Variants in ECE1 observed in about 807,000 individuals in gnomAD.
The protein encoded by ECE1 is endothelin-converting enzyme 1.
In ECE1, 35 loss-of-function variants were observed where a neutral mutation model predicts 98.6. The ratio of observed to expected loss-of-function variants is 0.35; its 90% confidence interval spans 0.27 to 0.47. The LOEUF is 0.47. ECE1 is among the 20% of genes least tolerant of loss of function. The pLI is 1.00. For missense variants in ECE1, 814 were observed against 1,025.3 expected (o/e 0.79, Z 2.81); for synonymous variants, 394 against 407.1 (o/e 0.97, Z 0.39).
chr1:21,326,075 G>C (rs11579895), intron 1 of ECE1, among the ~76,000 whole-genome samples: 1 of 152,170 alleles, frequency 6.6e-6, no homozygotes, highest in African/African-American at 2.4e-5. Flanking sequence ...GGGGACCAGG[G>C]GGCTGGGCCT....
intron 1 of ECE1, among the ~76,000 whole-genome samples, chr1:21,316,617 A>T (rs1436643804): frequency 6.6e-6 from 1 of 150,666 alleles, no homozygotes; most frequent in Admixed American, 6.6e-5. Context: ...CTTCTTAGAA[A>T]CTCTCCTGTG....
At chr1:21,245,744 T>C (rs954539331) in intron 9 of ECE1, among the ~76,000 whole-genome samples, 1 of 152,210 alleles carries the variant, frequency 6.6e-6, no homozygotes, top group Non-Finnish European at 1.5e-5. Context: ...CGGAGTACTA[T>C]GCAACCATGA....
At chr1:21,236,675 C>G in intron 12 of ECE1, 71 bp downstream of exon 12, 1 of 1,455,148 alleles carries the variant, frequency 6.9e-7, no homozygotes, top group African/African-American at 1.4e-5. Flanking sequence ...AAACCGGCCT[C>G]TCCTTCCCCC....
At chr1:21,286,650 G>A (rs1029195498) in intron 2 of ECE1, among the ~76,000 whole-genome samples, 2 of 152,144 alleles carry the variant, frequency 1.3e-5, no homozygotes, top group Admixed American at 1.3e-4. Context: ...AAAAAGAACA[G>A]GTTAGGCACG....
intron 5 of ECE1, among the ~76,000 whole-genome samples, chr1:21,259,909 A>C (rs1356987418): frequency 1.3e-5 from 2 of 152,124 alleles, no homozygotes; most frequent in Non-Finnish European, 2.9e-5. Context: ...CCACACACAC[A>C]AACATAACCC....
At chr1:21,330,591 T>C (rs1480806169) in intron 1 of ECE1, among the ~76,000 whole-genome samples, 1 of 152,164 alleles carries the variant, frequency 6.6e-6, no homozygotes, top group Non-Finnish European at 1.5e-5. Context: ...CCCACAGGCC[T>C]GGGAGCTCCT....
In ECE1 at chr1:21,225,525, G is replaced by A. The variant is rs1288795023; in HGVS notation, c.1850-85C>T. ...CTCCTCCCTGCTCCTGGTGAGAAGC[G>A]GTTCATCCGTCCACCCCCGTCCTCC... On this transcript the variant is annotated intron_variant, in intron 16 of 18. Transcript: ENST00000374893. The surrounding 1 kb of genome is among the most constrained non-coding windows in gnomAD (Gnocchi z 5.3). The A allele has an allele frequency of 1.5e-5, 23 of 1,491,046 alleles. No individual in the cohort carries two copies. Among genetic ancestry groups the A allele is most frequent in the South Asian group, 1.1e-4 (9 of 83,592 alleles). The allele number at this position is 1,491,046 out of a possible 1,614,324, so 92.4% of individuals were successfully genotyped here.
chr1:21,253,741 C>T (rs180935505), intron 8 of ECE1, among the ~76,000 whole-genome samples: 273 of 138,680 alleles, frequency 2.0e-3, no homozygotes, highest in Middle Eastern at 4.4e-3. Flanking sequence ...CCAGCCTGGG[C>T]GAGAGCGCGA....
At position 21,260,138 on chromosome 1, in the gene ECE1, T is replaced by C; in HGVS notation, c.615+133A>G. The C allele has an allele frequency of 2.2e-6, 3 of 1,366,840 alleles. No individual in the cohort carries two copies. The highest frequency in any genetic ancestry group is 3.1e-6 in the Non-Finnish European group (3 of 963,634). 84.7% of individuals were successfully genotyped at this position (1,366,840 alleles called of 1,614,324 possible). ...GCTCTCGCACACTCGCTCTCTCTCT[T>C]TCTGTCTTTCTCTTGGTGCTACCGG... On this transcript the variant is annotated intron_variant, in intron 5 of 18. Transcript: ENST00000374893. This position sits in a 1 kb window ranked among gnomAD's most constrained non-coding sequence, Gnocchi z 4.3.
At chr1:21,252,581 G>A (rs2098214183) in intron 8 of ECE1, among the ~76,000 whole-genome samples, 1 of 152,242 alleles carries the variant, frequency 6.6e-6, no homozygotes, top group Admixed American at 6.5e-5. Context: ...TAGAAAGGAA[G>A]GGGAAGGTCC....
chr1:21,233,680 A>G lies in ECE1; in HGVS notation c.1567-19T>C. ...CAGTGTACTAGAAAAGAAGAAGTGG[A>G]GTCAATCACAGTGTGCCCTCGGTGG... On this transcript the variant is annotated intron_variant, in intron 13 of 18. Coordinates refer to ENST00000374893, the MANE Select transcript of ECE1 (RefSeq NM_001397.3). The surrounding 1 kb of genome is among the most constrained non-coding windows in gnomAD (Gnocchi z 4.0). 4 of 1,607,730 alleles carry G rather than the reference A, an allele frequency of 2.5e-6. No homozygotes were observed. The highest frequency in any genetic ancestry group is 3.4e-6 in the Non-Finnish European group (4 of 1,174,610).
chr1:21,283,890 G>A (rs1034096152), intron 2 of ECE1, among the ~76,000 whole-genome samples: 3 of 152,234 alleles, frequency 2.0e-5, no homozygotes, highest in Admixed American at 1.3e-4. Flanking sequence ...TTCTTTGCTT[G>A]ACTTGTACTA....
chr1:21,236,781 T>A lies in ECE1; in HGVS notation c.1453A>T (p.Met485Leu). 1 of 1,613,878 alleles carries A rather than the reference T, an allele frequency of 6.2e-7. No homozygotes were observed. The highest frequency in any genetic ancestry group is 8.5e-7 in the Non-Finnish European group (1 of 1,180,004). ...FEESLSTLKW[M>L]DEETRKSAKE... The stretch of plus-strand genomic sequence containing the variant: ...GCTGATTTTCGGGTTTCCTCATCCA[T>A]CCACTTCAGGGTGCTCAGGCTTTCC... Residue 485 changes from methionine (M) to leucine (L), a missense_variant, in exon 12 of 19, where the codon ATG (methionine) becomes TTG (leucine). Physicochemically the swap from Met to Leu is conservative, Grantham distance 15. Coordinates refer to ENST00000374893, the MANE Select transcript of ECE1 (RefSeq NM_001397.3).
intron 1 of ECE1, among the ~76,000 whole-genome samples, chr1:21,309,674 C>A (rs1638673070): frequency 6.6e-6 from 1 of 152,164 alleles, no homozygotes; most frequent in African/African-American, 2.4e-5. Context: ...AGAACTCCTT[C>A]AACACATGCT....
intron 3 of ECE1, among the ~76,000 whole-genome samples, chr1:21,276,640 A>G (rs2098247535): frequency 6.6e-6 from 1 of 151,978 alleles, no homozygotes; most frequent in South Asian, 2.1e-4. Context: ...CTATGTGTCC[A>G]GACATTCCCA....
At position 21,225,481 on chromosome 1, in the gene ECE1, G is replaced by A. The variant is rs1302450875; in HGVS notation, c.1850-41C>T. ...AGGCGTCATGTCAAGGGAGGGAGGG[G>A]CACAGCAGGGACCTGCTGCTCCTCC... On this transcript the variant is annotated intron_variant, in intron 16 of 18. Transcript: ENST00000374893. This position sits in a 1 kb window ranked among gnomAD's most constrained non-coding sequence, Gnocchi z 5.3. 1.2e-6 allele frequency: 2 copies of A among 1,604,244 alleles called. No individual in the cohort carries two copies. The highest frequency in any genetic ancestry group is 8.5e-7 in the Non-Finnish European group (1 of 1,175,248).
At chr1:21,228,862 GACGGA>G (rs1255347453) in intron 14 of ECE1, among the ~76,000 whole-genome samples, 2 of 636 alleles carry the variant, frequency 3.1e-3, no homozygotes, top group African/African-American at 0.017. Context: ...TTTTTTTTGA[GACGGA>G]GCTCACTCTG....
chr1:21,241,206 T>C (rs547666888), intron 10 of ECE1, among the ~76,000 whole-genome samples: 66 of 151,744 alleles, frequency 4.3e-4, no homozygotes, highest in African/African-American at 1.6e-3. Flanking sequence ...CCGGTAATTT[T>C]TGTATTTTTA....
chr1:21,335,658 G>C (rs1051546131), intron 1 of ECE1, among the ~76,000 whole-genome samples: 1 of 152,194 alleles, frequency 6.6e-6, no homozygotes, highest in Non-Finnish European at 1.5e-5. Context: ...TCTTAGGGCG[G>C]GTACCAAGAA....
Sources: gnomAD v4.1 joint callset for allele counts (sites outside exome capture counted in the v4.1 genomes callset) on GRCh38, gnomAD v4.1.1 for gene constraint, Gnocchi (gnomAD v3.1) non-coding constraint, MANE v1.5 for transcripts, NCBI Gene and HGNC (gene_info 2026-07-23, HGNC 2026-07-21) for gene names.